The following SLC24A2 variants were observed in gnomAD, a reference collection of about 807,000 sequenced individuals.
SLC24A2 encodes the protein solute carrier family 24 member 2, also known as sodium/potassium/calcium exchanger 2.
In SLC24A2, 36 loss-of-function variants were observed where a neutral mutation model predicts 62.0. That is an observed-to-expected ratio of 0.58 (90% confidence interval 0.44 to 0.77). The LOEUF (loss-of-function observed/expected upper bound fraction) is 0.77, where lower values mean the gene tolerates loss of function less well. Ranked by LOEUF, SLC24A2 falls within the 30% of genes least tolerant of loss-of-function variation. The probability of loss-of-function intolerance (pLI) is 0.00; values close to 1 mark genes in which losing one functional copy is unlikely to be tolerated. For missense variants in SLC24A2, 846 were observed against 817.9 expected (o/e 1.03, Z -0.42); for synonymous variants, 358 against 294.0 (o/e 1.22, Z -2.23).
intron 8 of SLC24A2, among the ~76,000 whole-genome samples, chr9:19,546,646 C>G (rs1455517560): frequency 2.0e-5 from 3 of 152,210 alleles, no homozygotes; most frequent in Middle Eastern, 3.4e-3. Context: ...ACCCACCAAG[C>G]CAGACCACTT....
chr9:19,793,642 A>G (rs777068978), upstream of SLC24A2, among the ~76,000 whole-genome samples: 10 of 152,226 alleles, frequency 6.6e-5, no homozygotes, highest in Non-Finnish European at 1.2e-4. Flanking sequence ...TTATCCACAG[A>G]TGAAGAAACT....
At chr9:19,725,694 G>A (rs1258752822) in intron 2 of SLC24A2, among the ~76,000 whole-genome samples, 1 of 152,030 alleles carries the variant, frequency 6.6e-6, no homozygotes, top group Admixed American at 6.6e-5. Context: ...ACATATAAAG[G>A]CCACCATGAC....
chr9:19,515,126 G>C lies in SLC24A2; in HGVS notation c.*1027C>G, dbSNP rs1160324118. ...CTAAACTTACCCCTCTTCTTTTGATGATAATGGGACATGCGCTGGAAAAAT... is the reference window on the plus strand; with the variant it reads ...CTAAACTTACCCCTCTTCTTTTGATCATAATGGGACATGCGCTGGAAAAAT... On this transcript the variant is annotated 3_prime_UTR_variant, in exon 11 of 11. Transcript: ENST00000341998. The C allele has an allele frequency of 6.6e-6, 1 of 152,084 alleles. No individual in the cohort carries two copies. The highest frequency in any genetic ancestry group is 1.5e-5 in the Non-Finnish European group (1 of 68,014). 9.4% of individuals were successfully genotyped at this position (152,084 alleles called of 1,614,324 possible).
At chr9:19,553,181 G>T (rs1298012908) in intron 7 of SLC24A2, among the ~76,000 whole-genome samples, 1 of 152,214 alleles carries the variant, frequency 6.6e-6, no homozygotes, top group Non-Finnish European at 1.5e-5. Context: ...ATGGGAGGCA[G>T]TTTGCAAGCT....
At chr9:19,882,971 A>C in the SLC24A2 span, among the ~76,000 whole-genome samples, 5 of 152,206 alleles carry the variant, frequency 3.3e-5, no homozygotes, top group African/African-American at 1.2e-4. Context: ...AATCTGACTA[A>C]ACATTTTTTT....
chr9:19,958,340 G>A, the SLC24A2 span, among the ~76,000 whole-genome samples: 1 of 152,138 alleles, frequency 6.6e-6, no homozygotes, highest in Non-Finnish European at 1.5e-5. Context: ...TACTAACGAG[G>A]AACACCACCC....
At chr9:20,229,185 C>T in the SLC24A2 span, among the ~76,000 whole-genome samples, 1 of 152,178 alleles carries the variant, frequency 6.6e-6, no homozygotes, top group Non-Finnish European at 1.5e-5. Context: ...GAGCTCATTT[C>T]CTCCTGAGAA....
the SLC24A2 span, among the ~76,000 whole-genome samples, chr9:20,126,644 G>A: frequency 6.6e-6 from 1 of 152,036 alleles, no homozygotes; most frequent in East Asian, 1.9e-4. Flanking sequence ...AGGCTTTAAG[G>A]ATCAAAAGTT....
the SLC24A2 span, among the ~76,000 whole-genome samples, chr9:20,302,364 C>G: frequency 6.6e-6 from 1 of 152,344 alleles, no homozygotes; most frequent in Non-Finnish European, 1.5e-5. Context: ...TCAATGAGAG[C>G]TCCTGTTGCT....
chr9:19,522,692 G>C (rs925662582), intron 9 of SLC24A2, among the ~76,000 whole-genome samples: 1 of 152,092 alleles, frequency 6.6e-6, no homozygotes, highest in Non-Finnish European at 1.5e-5. Context: ...TGGTCACCAC[G>C]ATCTCCCTAG....
the SLC24A2 span, among the ~76,000 whole-genome samples, chr9:19,948,632 C>T: frequency 1.3e-5 from 2 of 151,558 alleles, no homozygotes; most frequent in Non-Finnish European, 2.9e-5. Flanking sequence ...CCGAGGCGGG[C>T]GGATCACGAG....
intron 2 of SLC24A2, among the ~76,000 whole-genome samples, chr9:19,683,406 G>A (rs1304379580): frequency 6.6e-6 from 1 of 152,112 alleles, no homozygotes; most frequent in Non-Finnish European, 1.5e-5. Flanking sequence ...AGATGGAGGA[G>A]CTCATTGTCT....
At chr9:19,887,061 G>A in the SLC24A2 span, among the ~76,000 whole-genome samples, 2 of 152,188 alleles carry the variant, frequency 1.3e-5, no homozygotes, top group Non-Finnish European at 2.9e-5. Context: ...AGGGGACAGG[G>A]GAAGGGAGAG....
In SLC24A2 at chr9:19,512,546, G is replaced by C. The variant is rs1170088059; in HGVS notation, c.*3607C>G. ...GCTTCAGTTCATCAGGATCTGGTCA[G>C]GTGCAGAGGGCAGCTGGAGTTGGCA... On this transcript the variant is annotated 3_prime_UTR_variant, in exon 11 of 11. Transcript: ENST00000341998. 6.6e-6 allele frequency: 1 copy of C among 152,232 alleles called. No individual in the cohort carries two copies. Among genetic ancestry groups the C allele is most frequent in the African/African-American group, 2.4e-5 (1 of 41,458 alleles). The allele number at this position is 152,232 out of a possible 1,614,324, so 9.4% of individuals were successfully genotyped here.
the SLC24A2 span, among the ~76,000 whole-genome samples, chr9:19,979,896 G>T: frequency 6.6e-6 from 1 of 152,188 alleles, no homozygotes; most frequent in African/African-American, 2.4e-5. Flanking sequence ...TGATAATAAA[G>T]TTTCCCTCAT....
the SLC24A2 span, among the ~76,000 whole-genome samples, chr9:19,882,833 C>T: frequency 6.6e-6 from 1 of 152,098 alleles, no homozygotes; most frequent in African/African-American, 2.4e-5. Context: ...TTAATATCTC[C>T]TAAACTGAGC....
the SLC24A2 span, among the ~76,000 whole-genome samples, chr9:20,203,536 A>G: frequency 6.6e-6 from 1 of 152,198 alleles, no homozygotes; most frequent in Non-Finnish European, 1.5e-5. Context: ...CTAACAGTCC[A>G]TGCTACTAAT....
At chr9:19,930,132 T>C in the SLC24A2 span, among the ~76,000 whole-genome samples, 2 of 152,288 alleles carry the variant, frequency 1.3e-5, no homozygotes, top group African/African-American at 4.8e-5. Context: ...TTTTACAGTG[T>C]TTATAAAGTC....
chr9:19,626,063 C>T (rs1028789574), intron 2 of SLC24A2, among the ~76,000 whole-genome samples: 4 of 152,060 alleles, frequency 2.6e-5, no homozygotes, highest in Non-Finnish European at 5.9e-5. Context: ...TGCTTGCATC[C>T]CAGATAATAA....
Sources: gnomAD v4.1 joint callset for allele counts (sites outside exome capture counted in the v4.1 genomes callset) on GRCh38, gnomAD v4.1.1 for gene constraint, MANE v1.5 for transcripts, NCBI Gene and HGNC (gene_info 2026-07-23, HGNC 2026-07-21) for gene names.